The following ERC2 variants were observed in gnomAD, a reference collection of about 807,000 sequenced individuals.
The protein encoded by ERC2 is ERC protein 2.
In ERC2, 42 loss-of-function variants were observed where a neutral mutation model predicts 114.8. That is an observed-to-expected ratio of 0.37 (90% confidence interval 0.29 to 0.47). ERC2 has a LOEUF of 0.47. ERC2 is among the 20% of genes least tolerant of loss of function. The probability of loss-of-function intolerance (pLI) is 0.99; values close to 1 mark genes in which losing one functional copy is unlikely to be tolerated. For synonymous variants in ERC2, 454 were observed against 425.5 expected, an observed-to-expected ratio of 1.07 and a Z score of -0.82; for missense variants, 939 against 1,150.7, an observed-to-expected ratio of 0.82 and a Z score of 2.66.
At chr3:55,881,548 C>T (rs1318716045) in intron 14 of ERC2, among the ~76,000 whole-genome samples, 1 of 152,116 alleles carries the variant, frequency 6.6e-6, no homozygotes, top group Non-Finnish European at 1.5e-5. Context: ...TGAAAAATAT[C>T]AATTAGGATG....
At chr3:56,464,636 C>T (rs1410142469) in intron 1 of ERC2, among the ~76,000 whole-genome samples, 1 of 152,080 alleles carries the variant, frequency 6.6e-6, no homozygotes, top group African/African-American at 2.4e-5. Context: ...GTAGAGTCTC[C>T]ATGTTTTGTA....
chr3:55,553,898 A>T (rs190125104), intron 17 of ERC2, among the ~76,000 whole-genome samples: 22 of 152,372 alleles, frequency 1.4e-4, no homozygotes, highest in Non-Finnish European at 8.8e-5. Context: ...GTTAATAGTC[A>T]TAGAACTAAC....
At chr3:56,056,962 G>A (rs1373388030) in intron 7 of ERC2, among the ~76,000 whole-genome samples, 5 of 152,030 alleles carry the variant, frequency 3.3e-5, no homozygotes, top group Non-Finnish European at 7.4e-5. Context: ...CAGATATGGG[G>A]GCAACTAAGG....
intron 17 of ERC2, among the ~76,000 whole-genome samples, chr3:55,538,045 TAAAACTGGTATCAA>T (rs2054115060): frequency 6.6e-6 from 1 of 152,190 alleles, no homozygotes; most frequent in Non-Finnish European, 1.5e-5. Context: ...TCATTTAGGA[TAAAACTGGTATCAA>T]AAGGAATGTC....
At chr3:55,950,653 C>T (rs1251229942) in intron 12 of ERC2, 93 bp from the exon 13 acceptor site, 14 of 1,371,902 alleles carry the variant, frequency 1.0e-5, no homozygotes, top group Non-Finnish European at 1.4e-5. Flanking sequence ...TATAGGCTAT[C>T]TGGATAAGGG....
At chr3:55,546,452 C>T (rs550182672) in intron 17 of ERC2, among the ~76,000 whole-genome samples, 10 of 152,322 alleles carry the variant, frequency 6.6e-5, no homozygotes, top group South Asian at 6.2e-4. Context: ...CATTTTCTGA[C>T]ATGCAGCCTC....
intron 17 of ERC2, among the ~76,000 whole-genome samples, chr3:55,660,680 T>G (rs947740346): frequency 1.3e-5 from 2 of 152,138 alleles, no homozygotes; most frequent in Non-Finnish European, 2.9e-5. Context: ...AGCTTCATAT[T>G]TAATTGGGGT....
In ERC2 at chr3:55,804,571, G is replaced by A. The variant is rs117090651; in HGVS notation, c.2565-69653C>T. On this transcript the variant is annotated intron_variant, in intron 14 of 17. Transcript: ENST00000288221. ...TCAGCACTGCTGTGAGAGAACTGAGGTTCAGCGAAGTGAGTTCCTTGCCTT... is the reference window on the plus strand; with the variant it reads ...TCAGCACTGCTGTGAGAGAACTGAGATTCAGCGAAGTGAGTTCCTTGCCTT... Among the ~76,000 whole-genome samples the A allele has an allele frequency of 2.0e-3, 299 of 152,200 alleles. 10 individuals are homozygous for A. The East Asian group carries it at 0.055, about 28-fold the overall frequency.
At chr3:56,312,808 GA>G (rs1167456893) in intron 2 of ERC2, among the ~76,000 whole-genome samples, 1 of 149,368 alleles carries the variant, frequency 6.7e-6, no homozygotes, top group Non-Finnish European at 1.5e-5. Context: ...ATAATGTACA[GA>G]AAAAAATTGA....
intron 2 of ERC2, among the ~76,000 whole-genome samples, chr3:56,363,289 C>T (rs990343330): frequency 1.3e-5 from 2 of 152,142 alleles, no homozygotes; most frequent in African/African-American, 4.8e-5. Flanking sequence ...CCATTCACCA[C>T]ATAAAAAATA....
chr3:56,438,256 C>T (rs1407215245), intron 1 of ERC2, among the ~76,000 whole-genome samples: 1 of 152,184 alleles, frequency 6.6e-6, no homozygotes, highest in Non-Finnish European at 1.5e-5. Flanking sequence ...AGATGTCAGA[C>T]CCTTCATCTG....
chr3:55,697,764 T>G (rs985853436), intron 16 of ERC2, among the ~76,000 whole-genome samples: 8 of 152,054 alleles, frequency 5.3e-5, no homozygotes, highest in African/African-American at 1.9e-4. Flanking sequence ...TGTCTCTCTG[T>G]TGGGGTTTGA....
At chr3:55,641,068 T>A (rs535289105) in intron 17 of ERC2, among the ~76,000 whole-genome samples, 2 of 152,262 alleles carry the variant, frequency 1.3e-5, no homozygotes, top group East Asian at 3.9e-4. Context: ...TATATAAGCA[T>A]CTGGGGCTGT....
At chr3:56,094,536 G>A (rs1427110332) in intron 6 of ERC2, among the ~76,000 whole-genome samples, 1 of 151,944 alleles carries the variant, frequency 6.6e-6, no homozygotes, top group Non-Finnish European at 1.5e-5. Context: ...TATTTCTGAG[G>A]GACTCAGTTA....
Position 56,405,315 on chromosome 3 carries a change from G to A in ERC2, c.657+29036C>T, listed in dbSNP as rs538498359. Among the ~76,000 whole-genome samples, 35 of 152,064 alleles carry A rather than the reference G, an allele frequency of 2.3e-4. 1 individual carries two copies. The East Asian group carries it at 5.8e-3, about 25-fold the overall frequency. On this transcript the variant is annotated intron_variant, in intron 2 of 17. Transcript: ENST00000288221. ...AAAAATTAGCCGGGCATGGCGGTGG[G>A]TGCCTATAATCCCAGCTACTCGGGA...
intron 2 of ERC2, among the ~76,000 whole-genome samples, chr3:56,311,002 C>T (rs1023221542): frequency 6.6e-6 from 1 of 151,500 alleles, no homozygotes; most frequent in African/African-American, 2.4e-5. Context: ...GACTGAAAAG[C>T]CAGTGTGTGT....
At chr3:56,226,588 G>T (rs1378401549) in intron 3 of ERC2, among the ~76,000 whole-genome samples, 2 of 151,984 alleles carry the variant, frequency 1.3e-5, no homozygotes, top group Non-Finnish European at 2.9e-5. Context: ...TACATAAAAA[G>T]ACAGGAAAGA....
intron 2 of ERC2, among the ~76,000 whole-genome samples, chr3:56,302,568 G>T (rs1235774669): frequency 6.6e-6 from 1 of 152,160 alleles, no homozygotes; most frequent in Non-Finnish European, 1.5e-5. Context: ...CTGAGTGAAA[G>T]GTACGAAAAA....
chr3:56,122,155 G>A (rs1377461056), intron 6 of ERC2, among the ~76,000 whole-genome samples: 1 of 152,182 alleles, frequency 6.6e-6, no homozygotes, highest in Admixed American at 6.5e-5. Context: ...CACGGTATGT[G>A]GAGTAATGAG....
Sources: allele counts gnomAD v4.1 joint callset (sites outside exome capture counted in the v4.1 genomes callset), GRCh38; gene constraint gnomAD v4.1.1; transcripts MANE v1.5; gene names NCBI Gene and HGNC (gene_info 2026-07-23, HGNC 2026-07-21).